Variants in TCEA3 observed in about 807,000 individuals in gnomAD.
TCEA3 encodes the protein transcription elongation factor A protein 3.
In TCEA3, 36 loss-of-function variants were observed where a neutral mutation model predicts 44.0. That is an observed-to-expected ratio of 0.82 (90% confidence interval 0.63 to 1.08). TCEA3 has a LOEUF of 1.08. TCEA3 is among the 50% of genes least tolerant of loss of function. The pLI, the probability that TCEA3 is intolerant of heterozygous loss-of-function variation, is 0.00. For missense variants in TCEA3, 392 were observed against 441.2 expected (o/e 0.89, Z 1.00); for synonymous variants, 162 against 159.7 (o/e 1.01, Z -0.11).
In TCEA3 at chr1:23,417,890, T is replaced by C; in HGVS notation, c.238+14A>G. On this transcript the variant is annotated intron_variant, in intron 3 of 10. Coordinates refer to ENST00000450454, the MANE Select transcript of TCEA3 (RefSeq NM_003196.3). ...GAGAAAAACAGGGCTCAAGACAACC[T>C]TGTCCTCTCTCACCTAGCAGCCGCT... is the stretch of plus-strand genomic sequence containing the variant. 6.2e-7 allele frequency: 1 copy of C among 1,612,920 alleles called. No individual in the cohort carries two copies. The highest frequency in any genetic ancestry group is 1.3e-5 in the African/African-American group (1 of 75,036).
intron 5 of TCEA3, among the ~76,000 whole-genome samples, chr1:23,407,641 C>T (rs72882978): frequency 6.6e-6 from 1 of 152,174 alleles, no homozygotes; most frequent in African/African-American, 2.4e-5. Flanking sequence ...GAATATCCTT[C>T]CCCGATCCTC....
At chr1:23,396,028 A>C (rs1376178193) in intron 7 of TCEA3, among the ~76,000 whole-genome samples, 1 of 152,162 alleles carries the variant, frequency 6.6e-6, no homozygotes, top group African/African-American at 2.4e-5. Flanking sequence ...AATTAACAGG[A>C]AATGATGAAA....
chr1:23,405,934 C>T (rs1444510146), intron 5 of TCEA3, among the ~76,000 whole-genome samples: 2 of 152,182 alleles, frequency 1.3e-5, no homozygotes, highest in Non-Finnish European at 2.9e-5. Flanking sequence ...CACTTGGCAT[C>T]TCTGGTTCCT....
At chr1:23,384,533 C>T (rs888510377) in intron 9 of TCEA3, 116 bp from the exon 10 acceptor site, 2 of 1,035,822 alleles carry the variant, frequency 1.9e-6, no homozygotes, top group Non-Finnish European at 2.8e-6. Context: ...GATTCCCACC[C>T]CCCGCTGGCA....
intron 5 of TCEA3, among the ~76,000 whole-genome samples, chr1:23,402,200 T>C (rs1185058725): frequency 6.6e-6 from 1 of 152,056 alleles, no homozygotes. Context: ...ATTAGCTGGG[T>C]ATGGTGGCGC....
At chr1:23,410,090 AT>A (rs1639667031) in intron 4 of TCEA3, among the ~76,000 whole-genome samples, 1 of 151,990 alleles carries the variant, frequency 6.6e-6, no homozygotes, top group Non-Finnish European at 1.5e-5. Context: ...CTGGTCACTA[AT>A]TAATGACCCC....
chr1:23,422,563 C>A (rs995253455), intron 1 of TCEA3, among the ~76,000 whole-genome samples: 1 of 152,084 alleles, frequency 6.6e-6, no homozygotes, highest in Non-Finnish European at 1.5e-5. Context: ...CACTGCTGGG[C>A]GGGTCCACTT....
At chr1:23,405,713 C>A (rs557589650) in intron 5 of TCEA3, among the ~76,000 whole-genome samples, 2 of 152,276 alleles carry the variant, frequency 1.3e-5, no homozygotes, top group East Asian at 1.9e-4. Flanking sequence ...GTTTGACTGA[C>A]CTTCAGAGAA....
At chr1:23,400,815 C>G (rs937077219) in intron 5 of TCEA3, among the ~76,000 whole-genome samples, 6 of 152,278 alleles carry the variant, frequency 3.9e-5, no homozygotes, top group African/African-American at 1.4e-4. Context: ...CTCCAGGAGG[C>G]ACCATTTACA....
chr1:23,392,541 ACGC>A, intron 8 of TCEA3, among the ~76,000 whole-genome samples: 1 of 85,136 alleles, frequency 1.2e-5, no homozygotes, highest in Non-Finnish European at 2.2e-5. Context: ...CACATCATAC[ACGC>A]CACATACACT....
At chr1:23,423,301 ATC>A (rs1358337863) in intron 1 of TCEA3, among the ~76,000 whole-genome samples, 1 of 152,206 alleles carries the variant, frequency 6.6e-6, no homozygotes, top group Admixed American at 6.5e-5. Context: ...AGGGCTTTAC[ATC>A]TCTGTCTCAT....
chr1:23,382,016 A>G (rs1327905833), intron 10 of TCEA3, among the ~76,000 whole-genome samples: 2 of 151,748 alleles, frequency 1.3e-5, no homozygotes, highest in Admixed American at 1.3e-4. Context: ...CACCCTTACA[A>G]TCACTCTGAG....
At chr1:23,400,526 C>T (rs557342064) in intron 5 of TCEA3, among the ~76,000 whole-genome samples, 9 of 152,072 alleles carry the variant, frequency 5.9e-5, no homozygotes, top group Admixed American at 1.3e-4. Flanking sequence ...GTGATAGTTG[C>T]ACAACTCCCT....
At chr1:23,387,099 C>A (rs1181520426) in intron 9 of TCEA3, among the ~76,000 whole-genome samples, 174 bp downstream of exon 9, 1 of 152,122 alleles carries the variant, frequency 6.6e-6, no homozygotes, top group Non-Finnish European at 1.5e-5. Flanking sequence ...GTGATCCACT[C>A]GCCTTGGCCT....
chr1:23,384,202 T>G (rs1291787210), intron 10 of TCEA3, 144 bp downstream of exon 10: 1 of 1,507,660 alleles, frequency 6.6e-7, no homozygotes, highest in Non-Finnish European at 8.9e-7. Flanking sequence ...AATCCGCCAC[T>G]ATCTCTGGCT....
rs544250667 is a variant in TCEA3 at position 23,383,144 on chromosome 1, G to A, written c.1038+1202C>T. Among the ~76,000 whole-genome samples the A allele has an allele frequency of 3.9e-5, 6 of 152,218 alleles. No individual in the cohort carries two copies. The South Asian group carries it at 1.0e-3, about 26-fold the overall frequency. On this transcript the variant is annotated intron_variant, in intron 10 of 10. Coordinates refer to ENST00000450454, the MANE Select transcript of TCEA3 (RefSeq NM_003196.3). Reference sequence around the variant, plus strand: ...AATACAAAAAAATTAGCCGGGTGTGGTGGCCGGCGCCTTTAGTCCCAGCTA... The same window carrying A: ...AATACAAAAAAATTAGCCGGGTGTGATGGCCGGCGCCTTTAGTCCCAGCTA...
chr1:23,386,150 C>T (rs780053320), intron 9 of TCEA3, among the ~76,000 whole-genome samples: 2 of 152,222 alleles, frequency 1.3e-5, no homozygotes, highest in Non-Finnish European at 2.9e-5. Flanking sequence ...GCCACAGGTG[C>T]ACCACATTAG....
chr1:23,408,838 G>T, intron 4 of TCEA3, 112 bp from the exon 5 acceptor site: 3 of 960,890 alleles, frequency 3.1e-6, no homozygotes, highest in African/African-American at 1.6e-5. Flanking sequence ...GGCTAAGGAA[G>T]CCCACCCGGG....
chr1:23,397,930 C>T lies in TCEA3; in HGVS notation c.469G>A (p.Glu157Lys). The change falls in exon 6 of 11, where the codon GAG becomes AAG. Residue 157 changes from glutamate (E) to lysine (K), a missense_variant. Coordinates refer to ENST00000450454, the MANE Select transcript of TCEA3 (RefSeq NM_003196.3). ...ERSNSSKSKAESPKTPSSPLT... is the reference protein window; with the variant it reads ...ERSNSSKSKAKSPKTPSSPLT... ...GGGCTGCTAGGTGTTTTGGGGCTCTCCGCTTTTGATTTGCTGCTGTTTGAT... is the reference window on the plus strand; with the variant it reads ...GGGCTGCTAGGTGTTTTGGGGCTCTTCGCTTTTGATTTGCTGCTGTTTGAT... The T allele has an allele frequency of 6.2e-7, 1 of 1,613,706 alleles. No individual in the cohort carries two copies.
Sources: gnomAD v4.1 joint callset for allele counts (sites outside exome capture counted in the v4.1 genomes callset) on GRCh38, gnomAD v4.1.1 for gene constraint, MANE v1.5 for transcripts, NCBI Gene and HGNC (gene_info 2026-07-23, HGNC 2026-07-21) for gene names.